RBFOX1: variants seen among roughly 807,000 people sequenced by gnomAD.
RBFOX1 encodes RNA binding fox-1 homolog 1.
RBFOX1 carries 8 observed loss-of-function variants against 57.7 expected under a neutral mutation model. That is an observed-to-expected ratio of 0.14 (90% CI 0.08 to 0.25). RBFOX1 has a LOEUF of 0.25. RBFOX1 is among the 10% of genes least tolerant of loss of function. RBFOX1 has a pLI of 1.00. For synonymous variants in RBFOX1, 326 were observed against 222.4 expected (o/e 1.47, Z -4.15); for missense variants, 611 against 548.5 (o/e 1.11, Z -1.14).
intron 1 of RBFOX1, among the ~76,000 whole-genome samples, chr16:6,116,079 G>T (rs1044190917): frequency 6.6e-6 from 1 of 152,234 alleles, no homozygotes; most frequent in Middle Eastern, 3.4e-3. Flanking sequence ...ACCATAGAAT[G>T]CTATGCAGCC....
chr16:6,952,667 AAG>A (rs1224906103), intron 3 of RBFOX1, among the ~76,000 whole-genome samples: 1 of 151,920 alleles, frequency 6.6e-6, no homozygotes, highest in Non-Finnish European at 1.5e-5. Flanking sequence ...AGAAAAGAAA[AAG>A]AAATGAAAAA....
At chr16:5,500,409 G>T (rs2043153342) in intron 2 of RBFOX1, among the ~76,000 whole-genome samples, 1 of 151,994 alleles carries the variant, frequency 6.6e-6, no homozygotes, top group Admixed American at 6.6e-5. Context: ...TTTCTGTAGA[G>T]ATGAAGTCTC....
chr16:5,309,585 G>C (rs919854482), intron 1 of RBFOX1, among the ~76,000 whole-genome samples: 1 of 152,162 alleles, frequency 6.6e-6, no homozygotes, highest in Non-Finnish European at 1.5e-5. Context: ...GCGGTGAAGT[G>C]TGGGCTTTAA....
intron 3 of RBFOX1, among the ~76,000 whole-genome samples, chr16:5,776,368 C>A (rs1335020068): frequency 6.6e-6 from 1 of 152,194 alleles, no homozygotes. Flanking sequence ...CAGAATGTTG[C>A]ATTCCTTCAG....
intron 2 of RBFOX1, among the ~76,000 whole-genome samples, chr16:6,451,684 T>A (rs931130778): frequency 6.6e-6 from 1 of 152,144 alleles, no homozygotes; most frequent in African/African-American, 2.4e-5. Context: ...CTTACCACCC[T>A]TTACTGGGGC....
At chr16:5,442,621 C>G (rs1363615898) in intron 1 of RBFOX1, among the ~76,000 whole-genome samples, 1 of 152,116 alleles carries the variant, frequency 6.6e-6, no homozygotes, top group Admixed American at 6.5e-5. Context: ...TCTTAAAAAC[C>G]AATTGGGCTT....
chr16:6,148,615 C>G (rs2096776075), intron 1 of RBFOX1, among the ~76,000 whole-genome samples: 1 of 152,176 alleles, frequency 6.6e-6, no homozygotes, highest in African/African-American at 2.4e-5. Context: ...TTGACTAAGG[C>G]TACCTCACCG....
At chr16:6,673,904 T>G (rs1179884225) in intron 3 of RBFOX1, among the ~76,000 whole-genome samples, 2 of 152,112 alleles carry the variant, frequency 1.3e-5, no homozygotes, top group African/African-American at 4.8e-5. Context: ...AAGTGCCATA[T>G]TGGGAGGATC....
At chr16:6,624,777 G>A (rs974489593) in intron 2 of RBFOX1, among the ~76,000 whole-genome samples, 1 of 152,114 alleles carries the variant, frequency 6.6e-6, no homozygotes, top group African/African-American at 2.4e-5. Context: ...AGTCAGTGAA[G>A]GCAATTCTTT....
intron 4 of RBFOX1, among the ~76,000 whole-genome samples, chr16:7,134,043 C>A (rs186975828): frequency 1.1e-4 from 17 of 152,138 alleles, no homozygotes; most frequent in Admixed American, 1.3e-4. Context: ...AAATTTAATA[C>A]GTGGGCCTCA....
intron 3 of RBFOX1, among the ~76,000 whole-genome samples, chr16:6,699,790 T>C (rs944254190): frequency 1.3e-5 from 2 of 152,078 alleles, no homozygotes; most frequent in African/African-American, 4.8e-5. Flanking sequence ...CATGAACACA[T>C]GCAGGCACGG....
intron 2 of RBFOX1, among the ~76,000 whole-genome samples, chr16:6,407,397 A>T (rs1180760506): frequency 6.6e-6 from 1 of 151,868 alleles, no homozygotes; most frequent in Non-Finnish European, 1.5e-5. Context: ...ATATGTATAT[A>T]TTTGTCTTTG....
intron 1 of RBFOX1, among the ~76,000 whole-genome samples, chr16:6,106,013 C>G (rs1380552308): frequency 6.6e-6 from 1 of 151,766 alleles, no homozygotes; most frequent in Non-Finnish European, 1.5e-5. Flanking sequence ...TTTTTCCATC[C>G]TAGTTAAAAG....
chr16:6,087,301 C>T (rs1467156078), intron 1 of RBFOX1, among the ~76,000 whole-genome samples: 2 of 152,096 alleles, frequency 1.3e-5, no homozygotes, highest in Admixed American at 6.6e-5. Context: ...TTTGTGCCTT[C>T]GAGCACACAT....
At chr16:5,514,207 C>G (rs1165147601) in intron 2 of RBFOX1, among the ~76,000 whole-genome samples, 1 of 152,146 alleles carries the variant, frequency 6.6e-6, no homozygotes, top group Non-Finnish European at 1.5e-5. Context: ...TTGACTAGCC[C>G]TCTCGTATGT....
chr16:7,665,793 A>G (rs888886870), intron 13 of RBFOX1, among the ~76,000 whole-genome samples: 1 of 152,212 alleles, frequency 6.6e-6, no homozygotes. Context: ...ATGGGATTAT[A>G]TTTGTTTTAC....
intron 2 of RBFOX1, among the ~76,000 whole-genome samples, chr16:6,492,138 G>A (rs1222059131): frequency 6.6e-6 from 1 of 152,136 alleles, no homozygotes; most frequent in African/African-American, 2.4e-5. Context: ...GTGTGCGGGC[G>A]TGTGAAAGTT....
chr16:5,833,849 T>C (rs928790018), intron 3 of RBFOX1, among the ~76,000 whole-genome samples: 2 of 152,238 alleles, frequency 1.3e-5, no homozygotes, highest in South Asian at 2.1e-4. Flanking sequence ...GAGTCTCTTA[T>C]GCATCATGTA....
chr16:7,217,855 G>GGCATGTGTGTACACGCGTGTGT (rs2092344768), intron 4 of RBFOX1, among the ~76,000 whole-genome samples: 7 of 152,084 alleles, frequency 4.6e-5, no homozygotes, highest in Non-Finnish European at 1.0e-4. Context: ...CATGTGTGTG[G>GGCATGTGTGTACACGCGTGTGT]GCATGTGTGT....
Sources: gnomAD v4.1 joint callset for allele counts (sites outside exome capture counted in the v4.1 genomes callset) on GRCh38, gnomAD v4.1.1 for gene constraint, MANE v1.5 for transcripts, NCBI Gene and HGNC (gene_info 2026-07-23, HGNC 2026-07-21) for gene names.